Variants in DCDC1 observed in about 807,000 individuals in gnomAD.
The protein encoded by DCDC1 is doublecortin domain containing 1, also known as doublecortin domain-containing protein 1.
In DCDC1, 200 loss-of-function variants were observed where a neutral mutation model predicts 178.3. The observed-to-expected ratio is 1.12, with a 90% CI of 1.00 to 1.26. DCDC1 has a LOEUF of 1.26. Ranked by LOEUF, DCDC1 falls within the 50% of genes most tolerant of loss-of-function variation. The pLI is 0.00. For synonymous variants in DCDC1, 690 were observed against 604.8 expected, an observed-to-expected ratio of 1.14 and a Z score of -2.07; for missense variants, 1,983 against 1,749.2, an observed-to-expected ratio of 1.13 and a Z score of -2.38.
intron 38 of DCDC1, among the ~76,000 whole-genome samples, chr11:30,868,242 CTTTTTTTTTT>C (rs35180579): frequency 1.6e-5 from 1 of 61,074 alleles, no homozygotes; most frequent in East Asian, 4.0e-4. Context: ...TTCATACCTG[CTTTTTTTTTT>C]TTTTTTTTTT....
At chr11:31,283,459 C>T (rs1178537021) in intron 7 of DCDC1, among the ~76,000 whole-genome samples, 1 of 151,284 alleles carries the variant, frequency 6.6e-6, no homozygotes, top group Non-Finnish European at 1.5e-5. Context: ...TTCCAGTTCT[C>T]TTCGCATTAT....
intron 9 of DCDC1, among the ~76,000 whole-genome samples, chr11:31,204,460 C>T (rs1971652415): frequency 2.6e-5 from 4 of 151,688 alleles, no homozygotes; most frequent in Admixed American, 2.6e-4. Context: ...TTCCATATTC[C>T]TAGATAGGGA....
At chr11:31,075,128 A>G (rs1956790245) in intron 18 of DCDC1, among the ~76,000 whole-genome samples, 1 of 152,174 alleles carries the variant, frequency 6.6e-6, no homozygotes, top group Admixed American at 6.5e-5. Flanking sequence ...GCTTCCACCT[A>G]TAAGTGAGAA....
At chr11:30,935,128 C>G (rs566483006) in intron 21 of DCDC1, among the ~76,000 whole-genome samples, 1 of 152,186 alleles carries the variant, frequency 6.6e-6, no homozygotes, top group Non-Finnish European at 1.5e-5. Context: ...ATTCTAAATT[C>G]TGGCAGTTAT....
chr11:30,976,345 A>T (rs1950100498), intron 20 of DCDC1, among the ~76,000 whole-genome samples: 1 of 152,180 alleles, frequency 6.6e-6, no homozygotes, highest in African/African-American at 2.4e-5. Flanking sequence ...ACTATATTAA[A>T]CTAAAAAGCT....
intron 20 of DCDC1, among the ~76,000 whole-genome samples, chr11:31,016,562 G>T (rs1565186235): frequency 6.6e-6 from 1 of 152,228 alleles, no homozygotes; most frequent in East Asian, 1.9e-4. Flanking sequence ...GCGGTGGGTG[G>T]CATCAAAGAA....
intron 3 of DCDC1, among the ~76,000 whole-genome samples, chr11:31,324,676 A>G (rs980619133): frequency 3.3e-5 from 5 of 152,102 alleles, no homozygotes; most frequent in African/African-American, 4.8e-5. Context: ...GTGGGAATCG[A>G]CAGTTCATTT....
intron 27 of DCDC1, among the ~76,000 whole-genome samples, chr11:30,914,623 A>G (rs1420357116): frequency 7.5e-6 from 1 of 133,136 alleles, no homozygotes; most frequent in Non-Finnish European, 1.6e-5. Flanking sequence ...GAAATGTTCC[A>G]TATGCACCCA....
intron 1 of DCDC1, among the ~76,000 whole-genome samples, chr11:31,364,267 C>T (rs1165251699): frequency 1.3e-5 from 2 of 152,086 alleles, no homozygotes; most frequent in African/African-American, 4.8e-5. Context: ...TATATAAATG[C>T]ATATCCCCAC....
At chr11:31,041,463 C>G (rs1022510153) in intron 20 of DCDC1, among the ~76,000 whole-genome samples, 7 of 152,150 alleles carry the variant, frequency 4.6e-5, no homozygotes, top group Non-Finnish European at 1.0e-4. Flanking sequence ...CATTGATTTA[C>G]TTAATCACAT....
chr11:30,900,572 CA>C (rs1478892332), intron 32 of DCDC1, 74 bp from the exon 33 acceptor site: 1 of 1,273,862 alleles, frequency 7.9e-7, no homozygotes, highest in East Asian at 2.9e-5. Flanking sequence ...TTTGTTTATT[CA>C]AAATATTTTA....
Position 31,241,546 on chromosome 11 carries a change from T to C in DCDC1, c.1125A>G (p.Gly375=). 1 of 397,594 alleles carries C rather than the reference T, an allele frequency of 2.5e-6. No homozygotes were observed. Among genetic ancestry groups the C allele is most frequent in the Non-Finnish European group, 4.4e-6 (1 of 225,080 alleles). The allele number at this position is 397,594 out of a possible 1,614,324, so 24.6% of individuals were successfully genotyped here. ...TAGCTCCTGAGGGGCTGAAACCTTC[T>C]CCCTTAGAGACCCAAAGTAGTCCTC... ...PLRGLLWVSK[G]EGFSPSGAKM... is the part of the protein sequence containing the mutation. The change falls in exon 9 of 39, where the codon GGA becomes GGG. Residue 375 remains glycine, a synonymous_variant. Coordinates refer to ENST00000684477, the MANE Select transcript of DCDC1 (RefSeq NM_001387274.1).
At chr11:31,315,422 C>T (rs1374979304) in intron 3 of DCDC1, among the ~76,000 whole-genome samples, 1 of 146,796 alleles carries the variant, frequency 6.8e-6, no homozygotes, top group Non-Finnish European at 1.5e-5. Context: ...CTGCAAGCTC[C>T]ACCTCCCAGG....
At chr11:30,987,591 A>G (rs1450683987) in intron 20 of DCDC1, among the ~76,000 whole-genome samples, 1 of 152,124 alleles carries the variant, frequency 6.6e-6, no homozygotes, top group African/African-American at 2.4e-5. Flanking sequence ...CCTCTCTTAT[A>G]GGGCTATATT....
intron 20 of DCDC1, among the ~76,000 whole-genome samples, chr11:30,957,571 G>A (rs1948840886): frequency 6.6e-6 from 1 of 152,136 alleles, no homozygotes; most frequent in Non-Finnish European, 1.5e-5. Context: ...TTAAGTCTCT[G>A]GTAAGCCCAG....
chr11:31,141,186 G>T (rs1963781824), intron 9 of DCDC1, among the ~76,000 whole-genome samples: 1 of 152,064 alleles, frequency 6.6e-6, no homozygotes, highest in African/African-American at 2.4e-5. Flanking sequence ...AATACAGATT[G>T]TGTAAAAATT....
intron 36 of DCDC1, among the ~76,000 whole-genome samples, chr11:30,890,863 T>C (rs893052893): frequency 6.6e-6 from 1 of 152,242 alleles, no homozygotes; most frequent in African/African-American, 2.4e-5. Context: ...TCCTATGTGC[T>C]ATATAATTCA....
rs1162775782 is a variant in DCDC1 at position 30,920,760 on chromosome 11, T to C, written c.3293+16A>G. 3.1e-6 allele frequency: 5 copies of C among 1,612,370 alleles called. No individual in the cohort carries two copies. The highest frequency in any genetic ancestry group is 4.2e-6 in the Non-Finnish European group (5 of 1,179,198). On this transcript the variant is annotated intron_variant, in intron 25 of 38. Coordinates refer to ENST00000684477, the MANE Select transcript of DCDC1 (RefSeq NM_001387274.1). The stretch of plus-strand genomic sequence containing the variant: ...AAAGCAGCCAGGTAGCTTTTCAGGC[T>C]ACACTGATTACTTACAGAATTTCAC...
intron 36 of DCDC1, among the ~76,000 whole-genome samples, chr11:30,885,631 C>T (rs1456913188): frequency 1.3e-5 from 2 of 152,064 alleles, no homozygotes; most frequent in East Asian, 3.9e-4. Context: ...ATGGGTATAA[C>T]ATTTTTCTTC....
Sources: allele counts gnomAD v4.1 joint callset (sites outside exome capture counted in the v4.1 genomes callset), GRCh38; gene constraint gnomAD v4.1.1; transcripts MANE v1.5; gene names NCBI Gene and HGNC (gene_info 2026-07-23, HGNC 2026-07-21).